MTHFD2L: variants seen among roughly 807,000 people sequenced by gnomAD.
MTHFD2L encodes the protein bifunctional methylenetetrahydrofolate dehydrogenase/cyclohydrolase 2, mitochondrial.
A neutral mutation model predicts 34.9 loss-of-function variants in MTHFD2L; 29 were observed. That is an observed-to-expected ratio of 0.83 (90% CI 0.62 to 1.13). The LOEUF (loss-of-function observed/expected upper bound fraction) is 1.13. MTHFD2L is among the 50% of genes most tolerant of loss of function. The pLI is 0.00. For synonymous variants in MTHFD2L, 167 were observed against 155.7 expected, an observed-to-expected ratio of 1.07 and a Z score of -0.54; for missense variants, 481 against 446.5, an observed-to-expected ratio of 1.08 and a Z score of -0.70.
At chr4:74,279,370 T>A (rs998930835) in intron 6 of MTHFD2L, among the ~76,000 whole-genome samples, 11 of 151,992 alleles carry the variant, frequency 7.2e-5, no homozygotes, top group African/African-American at 2.7e-4. Context: ...CTTATTTTCT[T>A]TGGATAGTAA....
intron 3 of MTHFD2L, among the ~76,000 whole-genome samples, chr4:74,185,360 A>G (rs372556841): frequency 6.6e-6 from 1 of 152,000 alleles, no homozygotes; most frequent in Admixed American, 6.6e-5. Flanking sequence ...CACTAAACAC[A>G]TATCTTAGAA....
intron 6 of MTHFD2L, among the ~76,000 whole-genome samples, chr4:74,243,530 T>C (rs1275556483): frequency 6.6e-6 from 1 of 152,204 alleles, no homozygotes; most frequent in Non-Finnish European, 1.5e-5. Context: ...TTTTGATATT[T>C]TGTTGTTTTA....
At chr4:74,132,563 G>A (rs1018463365) in intron 1 of MTHFD2L, among the ~76,000 whole-genome samples, 29 of 152,056 alleles carry the variant, frequency 1.9e-4, no homozygotes, top group African/African-American at 7.0e-4. Flanking sequence ...ACAGGGAGGG[G>A]AACATCACAC....
rs558104376 is a variant in MTHFD2L at position 74,165,689 on chromosome 4, A to G, written c.143+7408A>G. ...TAATTTTAAAATTAAATTTTCTGCAATTTTCTTAACAGTTGCAAATAGAAT... is the reference window on the plus strand; with the variant it reads ...TAATTTTAAAATTAAATTTTCTGCAGTTTTCTTAACAGTTGCAAATAGAAT... On this transcript the variant is annotated intron_variant, in intron 1 of 7. Transcript: ENST00000325278. 5.9e-5 allele frequency among the ~76,000 whole-genome samples: 9 copies of G among 152,268 alleles called. No individual in the cohort carries two copies. The East Asian group carries it at 1.2e-3, about 20-fold the overall frequency.
In MTHFD2L at chr4:74,169,279, G is replaced by A. The variant is rs548475452; in HGVS notation, c.144-5227G>A. On this transcript the variant is annotated intron_variant, in intron 1 of 7. Coordinates refer to ENST00000325278, the MANE Select transcript of MTHFD2L (RefSeq NM_001144978.3). The stretch of plus-strand genomic sequence containing the variant: ...GTTAAGTTTAATCTGTATACAGGTT[G>A]TCTCTTTGGAGTCTGGGAATCAGTT... Among the ~76,000 whole-genome samples, 147 of 152,284 alleles carry A rather than the reference G, an allele frequency of 9.7e-4. 1 individual carries two copies. Among genetic ancestry groups the A allele is most frequent in the Non-Finnish European group, 6.2e-4 (42 of 68,018 alleles).
At chr4:74,218,839 C>T (rs563134013) in intron 5 of MTHFD2L, among the ~76,000 whole-genome samples, 2 of 151,906 alleles carry the variant, frequency 1.3e-5, no homozygotes, top group African/African-American at 4.8e-5. Context: ...ATCTTGTCTA[C>T]CTATTAATTA....
At chr4:74,201,123 T>C in intron 4 of MTHFD2L, 140 bp from the exon 5 acceptor site, 1 of 581,816 alleles carries the variant, frequency 1.7e-6, no homozygotes, top group South Asian at 2.4e-5. Flanking sequence ...AAATAATGAA[T>C]GTGCTCATAT....
chr4:74,160,110 A>G (rs1725089510), intron 1 of MTHFD2L: 1 of 1,288,060 alleles, frequency 7.8e-7, no homozygotes, highest in Non-Finnish European at 1.0e-6. Flanking sequence ...CTGCCTCCCC[A>G]CTTGTCCCCA....
chr4:74,268,989 C>A, intron 6 of MTHFD2L, among the ~76,000 whole-genome samples: 1 of 152,010 alleles, frequency 6.6e-6, no homozygotes, highest in Admixed American at 6.6e-5. Flanking sequence ...TATAATGAAT[C>A]ACAAAATAGC....
chr4:74,227,743 A>G lies in MTHFD2L; in HGVS notation c.805+2349A>G, dbSNP rs139788293. On this transcript the variant is annotated intron_variant, in intron 6 of 7. Transcript: ENST00000325278. Reference sequence around the variant, plus strand: ...ATAAGCCAAGAATGGCTGACAGCAGATCAACATGGTCTGACTTAGGTTTTA... The same window carrying G: ...ATAAGCCAAGAATGGCTGACAGCAGGTCAACATGGTCTGACTTAGGTTTTA... Among the ~76,000 whole-genome samples, 843 of 152,342 alleles carry G rather than the reference A, an allele frequency of 5.5e-3. 9 individuals carry two copies. The highest frequency in any genetic ancestry group is 0.019 in the African/African-American group (789 of 41,582).
chr4:74,245,310 A>C lies in MTHFD2L; in HGVS notation c.805+19916A>C, dbSNP rs1742276798. 2.0e-5 allele frequency among the ~76,000 whole-genome samples: 3 copies of C among 151,500 alleles called. No individual in the cohort carries two copies. The South Asian group carries it at 6.2e-4, about 32-fold the overall frequency. The stretch of plus-strand genomic sequence containing the variant: ...TATTCTTATTTTTTAAAAATTTTGG[A>C]ATATATAGTTAGTTGAAATATGTTA... On this transcript the variant is annotated intron_variant, in intron 6 of 7. Transcript: ENST00000325278.
chr4:74,135,946 C>A (rs1578237430), intron 1 of MTHFD2L, among the ~76,000 whole-genome samples: 2 of 152,000 alleles, frequency 1.3e-5, no homozygotes, highest in East Asian at 3.9e-4. Flanking sequence ...TGATAAAAAT[C>A]CTCAACAAAC....
intron 6 of MTHFD2L, among the ~76,000 whole-genome samples, chr4:74,254,137 T>G (rs1235520752): frequency 6.6e-6 from 1 of 152,070 alleles, no homozygotes; most frequent in Non-Finnish European, 1.5e-5. Flanking sequence ...ATTAAAGAAA[T>G]ATTAACAGAC....
intron 3 of MTHFD2L, 113 bp downstream of exon 3, chr4:74,175,516 C>CTAGTAAAA: frequency 1.7e-6 from 2 of 1,182,866 alleles, no homozygotes; most frequent in Non-Finnish European, 2.4e-6. Flanking sequence ...CAGAAGGAGA[C>CTAGTAAAA]TAGCTATTTT....
At chr4:74,300,093 A>G (rs1750108173) in intron 7 of MTHFD2L, among the ~76,000 whole-genome samples, 2 of 152,072 alleles carry the variant, frequency 1.3e-5, no homozygotes, top group Non-Finnish European at 2.9e-5. Flanking sequence ...TAATGTTTCT[A>G]TAGAATAGAA....
chr4:74,207,358 C>A (rs1170523263), intron 5 of MTHFD2L, among the ~76,000 whole-genome samples: 1 of 152,120 alleles, frequency 6.6e-6, no homozygotes, highest in African/African-American at 2.4e-5. Flanking sequence ...TTGATGCTGG[C>A]TGATTTTTAA....
At chr4:74,149,565 T>C (rs1293797078) in intron 1 of MTHFD2L, among the ~76,000 whole-genome samples, 1 of 152,214 alleles carries the variant, frequency 6.6e-6, no homozygotes, top group East Asian at 1.9e-4. Flanking sequence ...AGCATTATGT[T>C]GTTAAAAGAT....
intron 3 of MTHFD2L, chr4:74,182,598 A>G (rs1730405035): frequency 6.6e-6 from 1 of 152,146 alleles, no homozygotes; most frequent in Non-Finnish European, 1.5e-5. Flanking sequence ...TTTCCAGCCC[A>G]TGCCCCTAAG....
intron 1 of MTHFD2L, among the ~76,000 whole-genome samples, chr4:74,171,154 A>G (rs1160577706): frequency 6.6e-6 from 1 of 152,188 alleles, no homozygotes; most frequent in Non-Finnish European, 1.5e-5. Context: ...AAAATTCAAA[A>G]TAGGAAACAA....
Sources: allele counts gnomAD v4.1 joint callset (sites outside exome capture counted in the v4.1 genomes callset), GRCh38; gene constraint gnomAD v4.1.1; transcripts MANE v1.5; gene names NCBI Gene and HGNC (gene_info 2026-07-23, HGNC 2026-07-21).